The following NCAM2 variants were observed in gnomAD, a reference collection of about 807,000 sequenced individuals.
NCAM2 encodes the protein N-CAM-2.
A neutral mutation model predicts 98.1 loss-of-function variants in NCAM2; 30 were observed. That is an observed-to-expected ratio of 0.31 (90% CI 0.23 to 0.41). NCAM2 has a LOEUF of 0.41. NCAM2 is among the 10% of genes least tolerant of loss of function. The probability of loss-of-function intolerance (pLI) is 1.00; values close to 1 mark genes in which losing one functional copy is unlikely to be tolerated. For synonymous variants in NCAM2, 368 were observed against 342.4 expected (o/e 1.07, Z -0.83); for missense variants, 867 against 1,005.8 (o/e 0.86, Z 1.87).
chr21:21,451,408 G>C (rs2034342498), intron 12 of NCAM2, among the ~76,000 whole-genome samples: 3 of 152,118 alleles, frequency 2.0e-5, no homozygotes, highest in Admixed American at 2.0e-4. Context: ...GTAGTTAGCT[G>C]TTCTTCAATA....
At chr21:21,278,846 A>G (rs1025415360) in intron 1 of NCAM2, among the ~76,000 whole-genome samples, 1 of 152,082 alleles carries the variant, frequency 6.6e-6, no homozygotes, top group African/African-American at 2.4e-5. Flanking sequence ...TCTTTATTAC[A>G]CATTTTATTT....
At chr21:21,265,489 CAT>C (rs1214588727) in intron 1 of NCAM2, among the ~76,000 whole-genome samples, 1 of 134,754 alleles carries the variant, frequency 7.4e-6, no homozygotes, top group African/African-American at 2.8e-5. Flanking sequence ...TATATATACA[CAT>C]ATATAATATA....
At chr21:21,263,087 A>T (rs1412783136) in intron 1 of NCAM2, among the ~76,000 whole-genome samples, 1 of 152,060 alleles carries the variant, frequency 6.6e-6, no homozygotes, top group Non-Finnish European at 1.5e-5. Flanking sequence ...TGACAACATG[A>T]TCCTATACCT....
At chr21:21,057,775 A>G (rs536874037) in intron 1 of NCAM2, among the ~76,000 whole-genome samples, 3 of 152,190 alleles carry the variant, frequency 2.0e-5, no homozygotes, top group East Asian at 3.9e-4. Flanking sequence ...CTAAAACGGG[A>G]TATCATCTAC....
intron 1 of NCAM2, among the ~76,000 whole-genome samples, chr21:21,151,054 A>G (rs1490905476): frequency 6.6e-6 from 1 of 151,804 alleles, no homozygotes; most frequent in Non-Finnish European, 1.5e-5. Flanking sequence ...TTGTCTTTCA[A>G]GGAGATTAGG....
intron 8 of NCAM2, among the ~76,000 whole-genome samples, chr21:21,342,186 A>G (rs990797846): frequency 1.3e-5 from 2 of 152,324 alleles, no homozygotes; most frequent in South Asian, 2.1e-4. Context: ...ATCACCATAT[A>G]CATAACTATC....
At chr21:21,115,270 C>G (rs975680843) in intron 1 of NCAM2, among the ~76,000 whole-genome samples, 1 of 152,068 alleles carries the variant, frequency 6.6e-6, no homozygotes, top group Non-Finnish European at 1.5e-5. Flanking sequence ...GAGCTTTATC[C>G]AGCCTCTCCT....
intron 1 of NCAM2, among the ~76,000 whole-genome samples, chr21:21,003,989 A>G (rs982217974): frequency 5.3e-5 from 8 of 152,248 alleles, no homozygotes; most frequent in African/African-American, 1.9e-4. Flanking sequence ...AATCCTTTCT[A>G]TGGACCAACA....
In NCAM2 at chr21:21,540,112, T is replaced by C. The variant is rs1208381375; in HGVS notation, c.*2155T>C. ...ATGACTGAGAAAGTCATTTCGCATG[T>C]TTACTATTGTTATATTCGTGCTTTA... On this transcript the variant is annotated 3_prime_UTR_variant, in exon 18 of 18. Coordinates refer to ENST00000400546, the MANE Select transcript of NCAM2 (RefSeq NM_004540.5). 6.6e-6 allele frequency: 1 copy of C among 152,094 alleles called. No individual in the cohort carries two copies. The highest frequency in any genetic ancestry group is 1.5e-5 in the Non-Finnish European group (1 of 68,004). 9.4% of individuals were successfully genotyped at this position (152,094 alleles called of 1,614,324 possible). A position where few individuals can be genotyped will look rare whatever the true frequency, so the allele number is the denominator to read the frequency against.
intron 6 of NCAM2, among the ~76,000 whole-genome samples, chr21:21,325,069 TTTA>T (rs1259767157): frequency 1.3e-5 from 2 of 152,124 alleles, no homozygotes; most frequent in Admixed American, 1.3e-4. Flanking sequence ...CTATTTGATT[TTTA>T]TTAAGTTCAA....
chr21:21,442,669 G>C (rs1382423857), intron 12 of NCAM2, among the ~76,000 whole-genome samples: 1 of 152,086 alleles, frequency 6.6e-6, no homozygotes, highest in Admixed American at 6.6e-5. Context: ...TAAATGCAGA[G>C]AGGGGAAAGA....
chr21:21,528,572 T>C (rs935852991), intron 16 of NCAM2, among the ~76,000 whole-genome samples: 4 of 152,216 alleles, frequency 2.6e-5, no homozygotes, highest in Non-Finnish European at 4.4e-5. Context: ...TTGCTGGGCA[T>C]CATAGCAGAA....
At chr21:21,244,458 C>T (rs907520973) in intron 1 of NCAM2, among the ~76,000 whole-genome samples, 15 of 152,070 alleles carry the variant, frequency 9.9e-5, no homozygotes, top group African/African-American at 2.9e-4. Context: ...ATCGATAATA[C>T]GAAGTTTTCA....
At chr21:21,249,495 A>G (rs1489994847) in intron 1 of NCAM2, among the ~76,000 whole-genome samples, 1 of 152,154 alleles carries the variant, frequency 6.6e-6, no homozygotes, top group African/African-American at 2.4e-5. Context: ...CAGGTTTATT[A>G]TAAACATCTT....
chr21:21,505,679 G>T (rs978117249), intron 15 of NCAM2, among the ~76,000 whole-genome samples: 2 of 151,880 alleles, frequency 1.3e-5, no homozygotes, highest in African/African-American at 4.8e-5. Flanking sequence ...CTGCTGAAAA[G>T]ATGTGCTTAC....
At chr21:21,312,902 T>G (rs2074101227) in intron 5 of NCAM2, among the ~76,000 whole-genome samples, 1 of 151,834 alleles carries the variant, frequency 6.6e-6, no homozygotes, top group Non-Finnish European at 1.5e-5. Flanking sequence ...TTTTTATATT[T>G]CTTTAATAAT....
chr21:21,260,668 G>GT (rs2071863365), intron 1 of NCAM2, among the ~76,000 whole-genome samples: 1 of 151,962 alleles, frequency 6.6e-6, no homozygotes, highest in African/African-American at 2.4e-5. Context: ...AAGGAAATTT[G>GT]TCACCACCAG....
rs569206284 is a variant in NCAM2, at chr21:21,220,504, A to G, written c.56-60074A>G. Among the ~76,000 whole-genome samples the G allele has an allele frequency of 3.3e-5, 5 of 152,224 alleles. No homozygotes were observed. The East Asian group carries it at 5.8e-4, about 18-fold the overall frequency. ...GTCTAGGTCTGTGTAAGCAAATTCT[A>G]TCATGTCACATAATGATAAAATTAC... On this transcript the variant is annotated intron_variant, in intron 1 of 17. Coordinates refer to ENST00000400546, the MANE Select transcript of NCAM2 (RefSeq NM_004540.5).
chr21:21,461,960 T>A (rs562075639), intron 12 of NCAM2, among the ~76,000 whole-genome samples: 68 of 152,078 alleles, frequency 4.5e-4, no homozygotes, highest in African/African-American at 1.6e-3. Flanking sequence ...CAGTAAAAAA[T>A]TATTTTTATT....
Sources: gnomAD v4.1 joint callset for allele counts (sites outside exome capture counted in the v4.1 genomes callset) on GRCh38, gnomAD v4.1.1 for gene constraint, MANE v1.5 for transcripts, NCBI Gene and HGNC (gene_info 2026-07-23, HGNC 2026-07-21) for gene names.